The following TMCC1 variants were observed in gnomAD, a reference collection of about 807,000 sequenced individuals.
TMCC1 encodes the protein transmembrane and coiled-coil domain family 1, also known as transmembrane and coiled-coil domains protein 1.
TMCC1 carries 15 observed loss-of-function variants against 52.4 expected under a neutral mutation model. The observed-to-expected ratio is 0.29, with a 90% CI of 0.19 to 0.44. The LOEUF (loss-of-function observed/expected upper bound fraction) is 0.44. TMCC1 is among the 20% of genes least tolerant of loss of function. The pLI is 1.00. For synonymous variants in TMCC1, 279 were observed against 301.9 expected (o/e 0.92, Z 0.79); for missense variants, 503 against 806.0 (o/e 0.62, Z 4.55).
chr3:129,664,301 A>C (rs2087276758), intron 5 of TMCC1, among the ~76,000 whole-genome samples: 1 of 152,206 alleles, frequency 6.6e-6, no homozygotes, highest in Admixed American at 6.5e-5. Flanking sequence ...ACCTCTGAGC[A>C]TACATCTGAG....
intron 4 of TMCC1, among the ~76,000 whole-genome samples, chr3:129,757,610 C>T (rs563694541): frequency 6.6e-6 from 1 of 152,236 alleles, no homozygotes; most frequent in East Asian, 1.9e-4. Context: ...CATTTGAGGT[C>T]TGGAGTTTGA....
intron 4 of TMCC1, among the ~76,000 whole-genome samples, chr3:129,719,761 C>T (rs962736550): frequency 3.3e-5 from 5 of 152,056 alleles, no homozygotes; most frequent in African/African-American, 7.2e-5. Flanking sequence ...ACTCAATTTC[C>T]TTTACACTCA....
In TMCC1 at chr3:129,763,542, CAAA is replaced by C. The variant is rs11354197; in HGVS notation, c.576+64258_576+64260del. On this transcript the variant is annotated intron_variant, in intron 4 of 6. Coordinates refer to ENST00000393238, the MANE Select transcript of TMCC1 (RefSeq NM_001017395.5). ...TGGATGACAGAGTGAGACCCTGTCT[CAAA>C]AAAAAAAAAAAAAAAAAAAAAAGAA... Among the ~76,000 whole-genome samples, 6 of 44,652 alleles carry C rather than the reference CAAA, an allele frequency of 1.3e-4. No homozygotes were observed. The East Asian group carries it at 3.0e-3, about 23-fold the overall frequency. 29.3% of individuals were successfully genotyped at this position (44,652 alleles called of 152,430 possible).
At chr3:129,849,220 T>C (rs1211679248) in intron 2 of TMCC1, among the ~76,000 whole-genome samples, 1 of 152,130 alleles carries the variant, frequency 6.6e-6, no homozygotes, top group Non-Finnish European at 1.5e-5. Flanking sequence ...CCCAACACTT[T>C]GGGAGGCCAA....
intron 4 of TMCC1, among the ~76,000 whole-genome samples, chr3:129,771,477 T>C (rs1032458507): frequency 1.3e-5 from 2 of 151,874 alleles, no homozygotes; most frequent in African/African-American, 2.4e-5. Context: ...AGACACAGTT[T>C]AGAAAGATTT....
At chr3:129,743,821 T>C (rs1431088004) in intron 4 of TMCC1, among the ~76,000 whole-genome samples, 1 of 152,202 alleles carries the variant, frequency 6.6e-6, no homozygotes, top group Non-Finnish European at 1.5e-5. Flanking sequence ...CACAACGTGC[T>C]TGATATTTAT....
intron 4 of TMCC1, among the ~76,000 whole-genome samples, chr3:129,681,413 A>G (rs2088966393): frequency 6.6e-6 from 1 of 152,030 alleles, no homozygotes; most frequent in Non-Finnish European, 1.5e-5. Flanking sequence ...TTTACTATCT[A>G]ACTCGCTAGG....
rs1334299468 is a variant in TMCC1 at position 129,650,763 on chromosome 3, T to G, written c.*718A>C. 1 of 152,610 alleles carries G rather than the reference T, an allele frequency of 6.6e-6. No homozygotes were observed. Among genetic ancestry groups the G allele is most frequent in the African/African-American group, 2.4e-5 (1 of 41,434 alleles). The allele number at this position is 152,610 out of a possible 1,614,324, so 9.5% of individuals were successfully genotyped here. ...GTAACTATACACATATAAAAAAACCTTAAAAGTGCGGCCAAGGGATTTTGC... is the reference window on the plus strand; with the variant it reads ...GTAACTATACACATATAAAAAAACCGTAAAAGTGCGGCCAAGGGATTTTGC... On this transcript the variant is annotated 3_prime_UTR_variant, in exon 7 of 7. Transcript: ENST00000393238.
intron 4 of TMCC1, among the ~76,000 whole-genome samples, chr3:129,823,861 G>T (rs2058539089): frequency 6.6e-6 from 1 of 152,166 alleles, no homozygotes; most frequent in African/African-American, 2.4e-5. Context: ...GAATAAAAGA[G>T]AAAAGCAGAA....
intron 5 of TMCC1, among the ~76,000 whole-genome samples, chr3:129,662,769 C>T (rs1019869244): frequency 3.9e-5 from 6 of 152,152 alleles, no homozygotes; most frequent in African/African-American, 7.2e-5. Context: ...CACGCACCTC[C>T]GCTTGGATTA....
At chr3:129,736,524 C>G (rs867332617) in intron 4 of TMCC1, among the ~76,000 whole-genome samples, 1 of 139,366 alleles carries the variant, frequency 7.2e-6, no homozygotes, top group Non-Finnish European at 1.6e-5. Context: ...ATTTTCTTTT[C>G]TTTTTTTTTT....
intron 4 of TMCC1, among the ~76,000 whole-genome samples, chr3:129,823,572 G>A (rs1429569756): frequency 6.6e-6 from 1 of 151,988 alleles, no homozygotes; most frequent in African/African-American, 2.4e-5. Context: ...TCAACATTGG[G>A]CTAACTTGCC....
chr3:129,741,432 C>A (rs1484602578), intron 4 of TMCC1, among the ~76,000 whole-genome samples: 2 of 152,122 alleles, frequency 1.3e-5, no homozygotes, highest in African/African-American at 4.8e-5. Flanking sequence ...AAAAGTCCTG[C>A]ATATGTTAGA....
intron 1 of TMCC1, among the ~76,000 whole-genome samples, chr3:129,891,950 G>A (rs1258266948): frequency 6.6e-6 from 1 of 152,176 alleles, no homozygotes; most frequent in African/African-American, 2.4e-5. Context: ...AGGGCACTGG[G>A]GTTCTTCATC....
At chr3:129,764,779 ATATATATATATTTTTTTTTTTTTTTTT>A (rs1366583780) in intron 4 of TMCC1, among the ~76,000 whole-genome samples, 2 of 68,066 alleles carry the variant, frequency 2.9e-5, no homozygotes, top group East Asian at 1.1e-3. Context: ...ATATATATAT[ATATATATATATTTTTTTTTTTTTTTTT>A]TTTTTTTTTT....
chr3:129,864,789 A>T (rs1179712239), intron 2 of TMCC1, among the ~76,000 whole-genome samples: 1 of 152,256 alleles, frequency 6.6e-6, no homozygotes, highest in African/African-American at 2.4e-5. Context: ...GGTTATGGTC[A>T]GTACCTTCTT....
At chr3:129,848,180 A>AT (rs767755255) in intron 2 of TMCC1, among the ~76,000 whole-genome samples, 4 of 152,236 alleles carry the variant, frequency 2.6e-5, no homozygotes, top group Admixed American at 6.5e-5. Flanking sequence ...CAATTTAGCG[A>AT]TTTTTTCCCC....
At chr3:129,825,962 G>A (rs1382961152) in intron 4 of TMCC1, among the ~76,000 whole-genome samples, 1 of 152,162 alleles carries the variant, frequency 6.6e-6, no homozygotes, top group Non-Finnish European at 1.5e-5. Context: ...AAGCATTAAA[G>A]AAACAATGTT....
chr3:129,669,251 G>A (rs376559573), intron 5 of TMCC1, among the ~76,000 whole-genome samples: 1 of 152,134 alleles, frequency 6.6e-6, no homozygotes, highest in South Asian at 2.1e-4. Context: ...AAGATTATCT[G>A]TTCAACTCCT....
Sources: allele counts gnomAD v4.1 joint callset (sites outside exome capture counted in the v4.1 genomes callset), GRCh38; gene constraint gnomAD v4.1.1; transcripts MANE v1.5; gene names NCBI Gene and HGNC (gene_info 2026-07-23, HGNC 2026-07-21).